Variants in CNTN5 observed in about 807,000 individuals in gnomAD.
CNTN5 encodes the protein contactin-5.
A neutral mutation model predicts 129.1 loss-of-function variants in CNTN5; 77 were observed. That is an observed-to-expected ratio of 0.60 (90% CI 0.50 to 0.72). CNTN5 has a LOEUF of 0.72. CNTN5 is among the 30% of genes least tolerant of loss of function. The pLI is 0.00. For synonymous variants in CNTN5, 509 were observed against 465.6 expected (o/e 1.09, Z -1.20); for missense variants, 1,478 against 1,328.8 (o/e 1.11, Z -1.75).
intron 13 of CNTN5, among the ~76,000 whole-genome samples, chr11:100,130,040 T>C (rs1210866622): frequency 6.6e-6 from 1 of 152,168 alleles, no homozygotes; most frequent in Admixed American, 6.5e-5. Flanking sequence ...CTGATGATGT[T>C]CTATTGGCTT....
intron 13 of CNTN5, among the ~76,000 whole-genome samples, chr11:100,109,243 T>C (rs1361232073): frequency 6.6e-6 from 1 of 152,108 alleles, no homozygotes; most frequent in Non-Finnish European, 1.5e-5. Flanking sequence ...CTGGCCAACA[T>C]GGCGAAACCC....
chr11:99,995,499 G>T (rs953101698), intron 8 of CNTN5, among the ~76,000 whole-genome samples: 9 of 152,062 alleles, frequency 5.9e-5, no homozygotes, highest in African/African-American at 1.7e-4. Context: ...TCTCGCCAAA[G>T]GTAGCCCTTT....
chr11:100,132,972 T>C (rs984307800), intron 13 of CNTN5, among the ~76,000 whole-genome samples: 5 of 152,224 alleles, frequency 3.3e-5, no homozygotes, highest in Non-Finnish European at 7.4e-5. Context: ...AGGATTATTA[T>C]AGACTTTATG....
At chr11:99,317,037 CTAAGAGA>C (rs1270463451) in intron 1 of CNTN5, among the ~76,000 whole-genome samples, 2 of 152,142 alleles carry the variant, frequency 1.3e-5, no homozygotes, top group African/African-American at 2.4e-5. Flanking sequence ...TCTCAGCACC[CTAAGAGA>C]ATAAAGTCTG....
intron 21 of CNTN5, among the ~76,000 whole-genome samples, chr11:100,325,884 A>T (rs1228955375): frequency 6.6e-6 from 1 of 152,242 alleles, no homozygotes; most frequent in African/African-American, 2.4e-5. Context: ...ATATAGAAGA[A>T]AAACCTTAGA....
intron 2 of CNTN5, among the ~76,000 whole-genome samples, chr11:99,344,129 G>A (rs924796496): frequency 5.9e-5 from 9 of 152,104 alleles, no homozygotes; most frequent in African/African-American, 1.9e-4. Context: ...GTAAGTTTTC[G>A]GTAGAAAGTC....
At chr11:99,825,123 G>T (rs78597497) in intron 4 of CNTN5, among the ~76,000 whole-genome samples, 1 of 151,970 alleles carries the variant, frequency 6.6e-6, no homozygotes, top group Admixed American at 6.6e-5. Flanking sequence ...TGTAAAAATA[G>T]TTTGTAAAAA....
intron 18 of CNTN5, among the ~76,000 whole-genome samples, chr11:100,282,185 G>T (rs1042984276): frequency 2.0e-5 from 3 of 152,090 alleles, no homozygotes; most frequent in African/African-American, 7.2e-5. Context: ...GAAGAGTTAG[G>T]CATTTATTGT....
At chr11:99,064,707 C>T (rs932009186) in intron 1 of CNTN5, among the ~76,000 whole-genome samples, 1 of 152,012 alleles carries the variant, frequency 6.6e-6, no homozygotes, top group Non-Finnish European at 1.5e-5. Flanking sequence ...TCTAATAATA[C>T]ATTTTATTTC....
intron 3 of CNTN5, among the ~76,000 whole-genome samples, chr11:99,586,720 T>A (rs568245646): frequency 6.6e-6 from 1 of 152,320 alleles, no homozygotes; most frequent in East Asian, 1.9e-4. Context: ...CTCTATGTAA[T>A]ATATGTTCAC....
intron 6 of CNTN5, among the ~76,000 whole-genome samples, chr11:99,866,043 A>G (rs187840025): frequency 3.3e-5 from 5 of 152,304 alleles, no homozygotes; most frequent in Admixed American, 2.6e-4. Context: ...GTAATTTCAC[A>G]CATTAACAAC....
intron 2 of CNTN5, among the ~76,000 whole-genome samples, chr11:99,342,178 A>G (rs1377140437): frequency 6.6e-6 from 1 of 152,156 alleles, no homozygotes; most frequent in Admixed American, 6.6e-5. Flanking sequence ...TTTACTTGCT[A>G]TTTGTAAATA....
chr11:100,071,743 C>T lies in CNTN5; in HGVS notation c.1338C>T (p.His446=). The T allele has an allele frequency of 6.3e-7, 1 of 1,598,660 alleles. No homozygotes were observed. Among genetic ancestry groups the T allele is most frequent in the Non-Finnish European group, 8.5e-7 (1 of 1,171,488 alleles). The change falls in exon 12 of 25, where the codon CAC becomes CAT. Residue 446 remains histidine (H), a synonymous_variant. Transcript: ENST00000524871. ...VEMVNGVLMI[H]NVNQSDAGMY... ...TGGTTAATGGAGTATTGATGATCCA[C>T]AATGTGAATCAATCAGATGCTGGAA...
intron 1 of CNTN5, among the ~76,000 whole-genome samples, chr11:99,254,976 G>A (rs918958193): frequency 6.6e-6 from 1 of 151,830 alleles, no homozygotes; most frequent in Non-Finnish European, 1.5e-5. Context: ...TGAACAAGCC[G>A]ATGTTTTCTT....
At position 99,452,372 on chromosome 11, in the gene CNTN5, G is replaced by GTTTTTTTT. The variant is rs71463577; in HGVS notation, c.-70-103762_-70-103755dup. Among the ~76,000 whole-genome samples the GTTTTTTTT allele has an allele frequency of 1.2e-3, 120 of 104,322 alleles. 2 individuals are homozygous for GTTTTTTTT. Among genetic ancestry groups the GTTTTTTTT allele is most frequent in the East Asian group, 5.7e-3 (18 of 3,154 alleles). The allele number at this position is 104,322 out of a possible 152,430, so 68.4% of individuals were successfully genotyped here. A position where few individuals can be genotyped will look rare whatever the true frequency, so the allele number is the denominator to read the frequency against. On this transcript the variant is annotated intron_variant, in intron 2 of 24. Transcript: ENST00000524871. Reference sequence around the variant, plus strand: ...TTGAAGTTTATATCTAAACACAGGTGTTTTTTTTTTTTTTTTTTGGGACGG... The same window carrying GTTTTTTTT: ...TTGAAGTTTATATCTAAACACAGGTGTTTTTTTTTTTTTTTTTTTTTTTTTTGGGACGG...
chr11:99,889,882 G>A (rs1041479299), intron 6 of CNTN5, among the ~76,000 whole-genome samples: 1 of 152,114 alleles, frequency 6.6e-6, no homozygotes, highest in Non-Finnish European at 1.5e-5. Flanking sequence ...CTATTGAGGT[G>A]TTTTTGCTAC....
In CNTN5 at chr11:99,378,031, G is replaced by A. The variant is rs544102954; in HGVS notation, c.-71+52547G>A. Among the ~76,000 whole-genome samples the A allele has an allele frequency of 4.6e-5, 7 of 151,944 alleles. No homozygotes were observed. In the East Asian group the frequency reaches 1.4e-3, roughly 29 times the overall value. The stretch of plus-strand genomic sequence containing the variant: ...CTAGATGGTTTAAAGATAATTTTAG[G>A]GTGTATAATCAACCTAATTATATTA... On this transcript the variant is annotated intron_variant, in intron 2 of 24. Coordinates refer to ENST00000524871, the MANE Select transcript of CNTN5 (RefSeq NM_014361.4).
chr11:99,792,692 G>T (rs1945795570), intron 3 of CNTN5, among the ~76,000 whole-genome samples: 1 of 152,016 alleles, frequency 6.6e-6, no homozygotes, highest in African/African-American at 2.4e-5. Context: ...TCATTGGAAT[G>T]GTAGCAGCTC....
At chr11:99,383,107 G>A (rs1052572140) in intron 2 of CNTN5, among the ~76,000 whole-genome samples, 4 of 151,830 alleles carry the variant, frequency 2.6e-5, no homozygotes, top group African/African-American at 9.7e-5. Context: ...CGCCTGCCTT[G>A]GCCTCCCAAA....
Sources: gnomAD v4.1 joint callset for allele counts (sites outside exome capture counted in the v4.1 genomes callset) on GRCh38, gnomAD v4.1.1 for gene constraint, MANE v1.5 for transcripts, NCBI Gene and HGNC (gene_info 2026-07-23, HGNC 2026-07-21) for gene names.